The following GRIK2 variants were observed in gnomAD, a reference collection of about 807,000 sequenced individuals.
GRIK2 encodes the protein glutamate ionotropic receptor kainate type subunit 2.
Under a neutral mutation model 100.3 loss-of-function variants are expected in GRIK2, and 32 were observed. That is an observed-to-expected ratio of 0.32 (90% CI 0.24 to 0.43). The LOEUF (loss-of-function observed/expected upper bound fraction) is 0.43, where lower values mean the gene tolerates loss of function less well. Ranked by LOEUF, GRIK2 falls within the 20% of genes least tolerant of loss-of-function variation. The pLI is 1.00. For missense variants in GRIK2, 843 were observed against 1,114.9 expected, an observed-to-expected ratio of 0.76 and a Z score of 3.47; for synonymous variants, 417 against 389.4, an observed-to-expected ratio of 1.07 and a Z score of -0.83.
chr6:101,929,447 C>A (rs994738410), intron 14 of GRIK2, among the ~76,000 whole-genome samples: 1 of 151,150 alleles, frequency 6.6e-6, no homozygotes, highest in Admixed American at 6.6e-5. Flanking sequence ...ACACAACTGG[C>A]AGTTCAAATG....
chr6:101,594,503 AAGGAAATATATAGCATATG>A (rs1562249117), intron 2 of GRIK2, among the ~76,000 whole-genome samples: 5 of 151,894 alleles, frequency 3.3e-5, no homozygotes, highest in African/African-American at 1.2e-4. Flanking sequence ...GGTTTAAGGC[AAGGAAATATATAGCATATG>A]TTTGAGAAAA....
At chr6:102,007,444 C>A (rs762248068) in intron 14 of GRIK2, among the ~76,000 whole-genome samples, 1 of 152,048 alleles carries the variant, frequency 6.6e-6, no homozygotes, top group African/African-American at 2.4e-5. Context: ...TCTTTTCCTG[C>A]CACCTTCACT....
At chr6:101,869,284 A>G (rs1443976873) in intron 11 of GRIK2, among the ~76,000 whole-genome samples, 1 of 151,960 alleles carries the variant, frequency 6.6e-6, no homozygotes, top group Non-Finnish European at 1.5e-5. Context: ...GAAAGTTTTC[A>G]CATCTTTTCT....
intron 10 of GRIK2, among the ~76,000 whole-genome samples, chr6:101,822,094 A>G (rs1417856028): frequency 6.6e-6 from 1 of 152,052 alleles, no homozygotes; most frequent in Non-Finnish European, 1.5e-5. Context: ...TATTTGATGA[A>G]TATGTATTGA....
At chr6:101,500,624 T>G (rs1409378148) in intron 2 of GRIK2, among the ~76,000 whole-genome samples, 1 of 152,058 alleles carries the variant, frequency 6.6e-6, no homozygotes, top group Non-Finnish European at 1.5e-5. Flanking sequence ...GTGAACTTGT[T>G]TTTTCTTGGT....
At chr6:101,467,164 C>T (rs182383732) in intron 2 of GRIK2, among the ~76,000 whole-genome samples, 31 of 151,944 alleles carry the variant, frequency 2.0e-4, no homozygotes, top group Non-Finnish European at 2.6e-4. Flanking sequence ...AATTTTAAAC[C>T]AGTTGGAAAT....
chr6:101,632,025 G>A (rs542533415), intron 4 of GRIK2, among the ~76,000 whole-genome samples: 4 of 152,008 alleles, frequency 2.6e-5, no homozygotes, highest in African/African-American at 4.8e-5. Flanking sequence ...CCTTTTAGTT[G>A]TTGAAAATAA....
At chr6:101,479,127 CA>C (rs1772400507) in intron 2 of GRIK2, among the ~76,000 whole-genome samples, 1 of 152,198 alleles carries the variant, frequency 6.6e-6, no homozygotes, top group Admixed American at 6.5e-5. Flanking sequence ...CACAATTATA[CA>C]AATCAGAGAG....
At chr6:101,499,025 A>G (rs1278249614) in intron 2 of GRIK2, among the ~76,000 whole-genome samples, 4 of 152,160 alleles carry the variant, frequency 2.6e-5, no homozygotes, top group Non-Finnish European at 4.4e-5. Flanking sequence ...AGCAATGGGG[A>G]AAGGATTCCC....
At chr6:101,560,245 T>C (rs1450377820) in intron 2 of GRIK2, among the ~76,000 whole-genome samples, 1 of 152,128 alleles carries the variant, frequency 6.6e-6, no homozygotes, top group Non-Finnish European at 1.5e-5. Context: ...TTTCCTTTAC[T>C]AGTCTGCAGT....
intron 2 of GRIK2, among the ~76,000 whole-genome samples, chr6:101,509,592 AAT>A (rs1774199943): frequency 6.6e-6 from 1 of 152,174 alleles, no homozygotes; most frequent in East Asian, 1.9e-4. Context: ...TCTGGGATGG[AAT>A]TTCTGCCTGG....
chr6:101,833,738 G>C (rs1470327475), intron 10 of GRIK2, among the ~76,000 whole-genome samples: 1 of 151,922 alleles, frequency 6.6e-6, no homozygotes, highest in African/African-American at 2.4e-5. Context: ...CCAGCAATAA[G>C]CTATTATTGG....
chr6:101,679,459 T>C (rs1248972770), intron 5 of GRIK2, among the ~76,000 whole-genome samples: 1 of 152,170 alleles, frequency 6.6e-6, no homozygotes, highest in East Asian at 1.9e-4. Flanking sequence ...AGAGATGATA[T>C]GACAACCGCT....
chr6:101,700,062 A>G (rs1253856397), intron 7 of GRIK2, among the ~76,000 whole-genome samples: 2 of 152,178 alleles, frequency 1.3e-5, no homozygotes, highest in East Asian at 3.9e-4. Flanking sequence ...AGGTGGGAAG[A>G]TCACTTGATC....
chr6:101,944,051 C>T (rs750096160), intron 14 of GRIK2, among the ~76,000 whole-genome samples: 13 of 152,002 alleles, frequency 8.6e-5, no homozygotes, highest in Non-Finnish European at 1.8e-4. Context: ...AATGGTTTAG[C>T]ACCGTCCTCC....
rs71028069 is a variant in GRIK2 at position 101,464,497 on chromosome 6, CTTTTTTTTTTTT to C, written c.115+65132_115+65143del. ...TAATTTTTACCTTTTCTTTTTCTTT[CTTTTTTTTTTTT>C]TTTTTTTTTTTTTTTTTTTTTTTTT... is the stretch of plus-strand genomic sequence containing the variant. On this transcript the variant is annotated intron_variant, in intron 2 of 16. Transcript: ENST00000369134. Among the ~76,000 whole-genome samples, 25 of 62,018 alleles carry C rather than the reference CTTTTTTTTTTTT, an allele frequency of 4.0e-4. No individual in the cohort carries two copies. The East Asian group carries it at 5.0e-3, about 13-fold the overall frequency. The allele number at this position is 62,018 out of a possible 152,430, so 40.7% of individuals were successfully genotyped here.
chr6:101,629,650 G>C (rs888869484), intron 4 of GRIK2, among the ~76,000 whole-genome samples: 1 of 152,114 alleles, frequency 6.6e-6, no homozygotes, highest in Non-Finnish European at 1.5e-5. Context: ...CCTTTGAAAT[G>C]TATTTATAAA....
At chr6:101,539,149 C>T (rs533537627) in intron 2 of GRIK2, among the ~76,000 whole-genome samples, 135 of 151,808 alleles carry the variant, frequency 8.9e-4, no homozygotes, top group African/African-American at 2.9e-3. Context: ...TTAACACAGA[C>T]TCTTAAAATA....
chr6:101,416,320 G>A (rs370882997), intron 2 of GRIK2, among the ~76,000 whole-genome samples: 2 of 152,308 alleles, frequency 1.3e-5, no homozygotes, highest in African/African-American at 4.8e-5. Context: ...GGGAGAAGAA[G>A]GAGCTGGTCT....
Sources: allele counts gnomAD v4.1 joint callset (sites outside exome capture counted in the v4.1 genomes callset), GRCh38; gene constraint gnomAD v4.1.1; transcripts MANE v1.5; gene names NCBI Gene and HGNC (gene_info 2026-07-23, HGNC 2026-07-21).